Variants in SNX29 observed in about 807,000 individuals in gnomAD.
The protein encoded by SNX29 is sorting nexin 29, also known as sorting nexin-29.
A neutral mutation model predicts 102.1 loss-of-function variants in SNX29; 78 were observed. That is an observed-to-expected ratio of 0.76 (90% confidence interval 0.64 to 0.92). The LOEUF is 0.92. Ranked by LOEUF, SNX29 falls within the 40% of genes least tolerant of loss-of-function variation. The pLI is 0.00. For synonymous variants in SNX29, 580 were observed against 414.5 expected (o/e 1.40, Z -4.85); for missense variants, 1,280 against 1,061.7 (o/e 1.21, Z -2.86).
intron 15 of SNX29, among the ~76,000 whole-genome samples, chr16:12,339,419 G>C (rs2081551079): frequency 6.7e-6 from 1 of 149,054 alleles, no homozygotes; most frequent in Non-Finnish European, 1.5e-5. Flanking sequence ...AGTTTCTTGT[G>C]AGTGGAGGTG....
intron 15 of SNX29, among the ~76,000 whole-genome samples, chr16:12,288,202 A>G (rs2079662675): frequency 6.6e-6 from 1 of 152,114 alleles, no homozygotes; most frequent in Non-Finnish European, 1.5e-5. Flanking sequence ...ACTGACTACT[A>G]GCTAAAACAG....
At chr16:12,090,182 A>G (rs1257007081) in intron 11 of SNX29, 1 of 152,924 alleles carries the variant, frequency 6.5e-6, no homozygotes, top group Non-Finnish European at 1.5e-5. Context: ...CCCTGTCCTC[A>G]TTTGTGAAAT....
chr16:12,566,080 A>G (rs989648015), intron 20 of SNX29, among the ~76,000 whole-genome samples: 1 of 152,176 alleles, frequency 6.6e-6, no homozygotes, highest in Admixed American at 6.5e-5. Flanking sequence ...TAGGCACTTG[A>G]TCCCCATGAT....
chr16:12,559,012 A>G (rs976615984), intron 20 of SNX29, among the ~76,000 whole-genome samples: 5 of 152,164 alleles, frequency 3.3e-5, no homozygotes, highest in Non-Finnish European at 7.3e-5. Context: ...TGGGGGAGAG[A>G]GACAAAAGAC....
At chr16:12,062,442 C>A (rs1157874097) in intron 9 of SNX29, among the ~76,000 whole-genome samples, 1 of 151,548 alleles carries the variant, frequency 6.6e-6, no homozygotes, top group Non-Finnish European at 1.5e-5. Flanking sequence ...TATGGGTAAG[C>A]ATTTTTGCAC....
intron 18 of SNX29, among the ~76,000 whole-genome samples, chr16:12,421,669 C>A (rs866002347): frequency 1.3e-5 from 2 of 152,166 alleles, no homozygotes; most frequent in African/African-American, 4.8e-5. Context: ...ATAGCTGCTG[C>A]CACTGCTGTC....
chr16:12,535,753 C>A (rs563390253), intron 20 of SNX29, among the ~76,000 whole-genome samples: 1 of 152,000 alleles, frequency 6.6e-6, no homozygotes, highest in South Asian at 2.1e-4. Flanking sequence ...CGTCTTCCAC[C>A]ACTGTGTGTC....
intron 1 of SNX29, among the ~76,000 whole-genome samples, chr16:11,996,955 G>A (rs1023214417): frequency 1.3e-5 from 2 of 152,154 alleles, no homozygotes; most frequent in African/African-American, 2.4e-5. Context: ...GTTTTATTGT[G>A]TGTCTCAAAG....
intron 20 of SNX29, among the ~76,000 whole-genome samples, chr16:12,552,773 C>G (rs993478526): frequency 2.2e-4 from 34 of 152,196 alleles, no homozygotes; most frequent in African/African-American, 6.3e-4. Context: ...ATGAATTCAT[C>G]TCAGCTCTGG....
At position 12,089,317 on chromosome 16, in the gene SNX29, C is replaced by G. The variant is rs139597975; in HGVS notation, c.1402+10402C>G. Among the ~76,000 whole-genome samples the G allele has an allele frequency of 1.1e-4, 16 of 151,742 alleles. No homozygotes were observed. In the East Asian group the frequency reaches 2.9e-3, roughly 28 times the overall value. ...CTGCACTCCAGCCTGGGTGACAGAG[C>G]AAGACCGTCTCAAAAAATAAAATAA... On this transcript the variant is annotated intron_variant, in intron 11 of 20. Coordinates refer to ENST00000566228, the MANE Select transcript of SNX29 (RefSeq NM_032167.5).
intron 15 of SNX29, among the ~76,000 whole-genome samples, chr16:12,315,287 C>T (rs113532706): frequency 5.3e-4 from 80 of 152,262 alleles, no homozygotes; most frequent in African/African-American, 1.8e-3. Context: ...TGCTCCGGAC[C>T]AGGGATGAGT....
intron 15 of SNX29, among the ~76,000 whole-genome samples, chr16:12,333,796 T>TC (rs1276881248): frequency 1.3e-5 from 2 of 151,974 alleles, no homozygotes; most frequent in African/African-American, 4.8e-5. Context: ...GGAAGGAGGG[T>TC]CCTACCCTGT....
intron 18 of SNX29, among the ~76,000 whole-genome samples, chr16:12,432,913 G>C (rs2085371870): frequency 6.6e-6 from 1 of 152,242 alleles, no homozygotes; most frequent in African/African-American, 2.4e-5. Context: ...ATTGGTTTTA[G>C]GGAAGGGCTT....
chr16:12,166,722 G>T (rs1218057128), intron 13 of SNX29, among the ~76,000 whole-genome samples: 1 of 152,190 alleles, frequency 6.6e-6, no homozygotes, highest in Non-Finnish European at 1.5e-5. Flanking sequence ...TTTGTTTGAT[G>T]ATTGCCACCA....
chr16:12,205,076 C>T (rs1226001993), intron 14 of SNX29, among the ~76,000 whole-genome samples: 2 of 152,192 alleles, frequency 1.3e-5, no homozygotes, highest in African/African-American at 4.8e-5. Flanking sequence ...TGGGGCAGGG[C>T]ATTTTCGAAG....
intron 15 of SNX29, among the ~76,000 whole-genome samples, chr16:12,283,712 G>A (rs2079506158): frequency 6.6e-6 from 1 of 152,200 alleles, no homozygotes; most frequent in Non-Finnish European, 1.5e-5. Flanking sequence ...TGAATGGGAC[G>A]CAGTGCCTGT....
At chr16:12,339,991 C>T (rs537002096) in intron 15 of SNX29, among the ~76,000 whole-genome samples, 13 of 152,146 alleles carry the variant, frequency 8.5e-5, no homozygotes, top group Non-Finnish European at 1.8e-4. Flanking sequence ...GGGAATTCAT[C>T]TTGGGCAGAG....
Position 12,561,725 on chromosome 16 carries a change from G to A in SNX29, c.2319-6781G>A, listed in dbSNP as rs1321474628. Among the ~76,000 whole-genome samples, 4 of 152,186 alleles carry A rather than the reference G, an allele frequency of 2.6e-5. No homozygotes were observed. In the South Asian group the frequency reaches 6.2e-4, roughly 24 times the overall value. On this transcript the variant is annotated intron_variant, in intron 20 of 20. Coordinates refer to ENST00000566228, the MANE Select transcript of SNX29 (RefSeq NM_032167.5). ...TCCCCAGTGCTGTGTTAAGTTGCTA[G>A]CAGCAGGGAGGATGGAGATGGAGTT...
At chr16:12,499,955 G>A (rs961276809) in intron 19 of SNX29, among the ~76,000 whole-genome samples, 1 of 152,068 alleles carries the variant, frequency 6.6e-6, no homozygotes, top group Non-Finnish European at 1.5e-5. Context: ...AGGATTACAG[G>A]TATGAGCCAT....
Sources: allele counts gnomAD v4.1 joint callset (sites outside exome capture counted in the v4.1 genomes callset), GRCh38; gene constraint gnomAD v4.1.1; transcripts MANE v1.5; gene names NCBI Gene and HGNC (gene_info 2026-07-23, HGNC 2026-07-21).